The following TENM3 variants were observed in gnomAD, a reference collection of about 807,000 sequenced individuals.
The protein encoded by TENM3 is teneurin-3.
In TENM3, 63 loss-of-function variants were observed where a neutral mutation model predicts 255.1. That is an observed-to-expected ratio of 0.25 (90% CI 0.20 to 0.30). The LOEUF (loss-of-function observed/expected upper bound fraction) is 0.30, where lower values mean the gene tolerates loss of function less well. TENM3 is among the 10% of genes least tolerant of loss of function. The pLI, the probability that TENM3 is intolerant of heterozygous loss-of-function variation, is 1.00. For synonymous variants in TENM3, 1,306 were observed against 1,322.3 expected, an observed-to-expected ratio of 0.99 and a Z score of 0.27; for missense variants, 2,929 against 3,461.1, an observed-to-expected ratio of 0.85 and a Z score of 3.86.
At chr4:182,512,877 A>G (rs1406747861) in intron 3 of TENM3, among the ~76,000 whole-genome samples, 1 of 152,200 alleles carries the variant, frequency 6.6e-6, no homozygotes, top group Non-Finnish European at 1.5e-5. Flanking sequence ...TACTCCTTGA[A>G]GATCAAAATA....
chr4:182,597,592 T>C (rs1349960604), intron 3 of TENM3, among the ~76,000 whole-genome samples: 1 of 152,190 alleles, frequency 6.6e-6, no homozygotes, highest in African/African-American at 2.4e-5. Flanking sequence ...AGATTTGTGT[T>C]CCTCTTTAAA....
chr4:182,798,382 A>C (rs4365766), intron 27 of TENM3, among the ~76,000 whole-genome samples: 1 of 152,140 alleles, frequency 6.6e-6, no homozygotes, highest in African/African-American at 2.4e-5. Flanking sequence ...GTTGCCTGCA[A>C]TATTCAGTAC....
chr4:182,298,625 A>G lies in TENM3; in HGVS notation c.-75-25321A>G, dbSNP rs544447763. Reference sequence around the variant, plus strand: ...AATCAAGTACTTGAAAGGAAGAACTATATCAAAGTGAAGATTGGAGAAAAT... The same window carrying G: ...AATCAAGTACTTGAAAGGAAGAACTGTATCAAAGTGAAGATTGGAGAAAAT... On this transcript the variant is annotated intron_variant, in intron 1 of 27. Transcript: ENST00000511685. 7.2e-5 allele frequency among the ~76,000 whole-genome samples: 11 copies of G among 152,278 alleles called. 1 individual carries two copies. In the South Asian group the frequency reaches 1.9e-3, roughly 26 times the overall value.
At chr4:182,196,908 C>T (rs550494800) in intron 1 of TENM3, among the ~76,000 whole-genome samples, 4 of 152,244 alleles carry the variant, frequency 2.6e-5, no homozygotes, top group South Asian at 4.1e-4. Flanking sequence ...TCCTTTCTCT[C>T]GTCCTCAAAT....
At chr4:182,580,069 A>G (rs1294174967) in intron 3 of TENM3, among the ~76,000 whole-genome samples, 1 of 152,208 alleles carries the variant, frequency 6.6e-6, no homozygotes, top group Non-Finnish European at 1.5e-5. Context: ...GAGGACCATT[A>G]GAGGACAGAA....
intron 3 of TENM3, among the ~76,000 whole-genome samples, chr4:182,527,679 G>A (rs1739347668): frequency 6.6e-6 from 1 of 152,106 alleles, no homozygotes; most frequent in Admixed American, 6.6e-5. Context: ...TTTCTCACCT[G>A]TGTAAATAAG....
chr4:181,687,443 CTT>C, the TENM3 span, among the ~76,000 whole-genome samples: 1 of 152,138 alleles, frequency 6.6e-6, no homozygotes, highest in Non-Finnish European at 1.5e-5. Context: ...GCTTCATAGT[CTT>C]ATAAAATGCT....
intron 22 of TENM3, among the ~76,000 whole-genome samples, chr4:182,761,587 T>TA (rs1467969374): frequency 6.7e-6 from 1 of 148,874 alleles, no homozygotes; most frequent in Admixed American, 6.6e-5. Context: ...GCCCACTTTA[T>TA]AAGTATATAT....
the TENM3 span, among the ~76,000 whole-genome samples, chr4:181,652,396 G>T: frequency 1.3e-5 from 2 of 152,182 alleles, no homozygotes; most frequent in African/African-American, 2.4e-5. Context: ...CTCTACGAAA[G>T]TCTGTGTGTC....
At chr4:181,541,056 G>T in the TENM3 span, among the ~76,000 whole-genome samples, 2 of 152,132 alleles carry the variant, frequency 1.3e-5, no homozygotes, top group Admixed American at 6.6e-5. Context: ...GCTTATAAGT[G>T]AGAAATCCAT....
At chr4:182,291,403 T>C (rs978330776) in intron 1 of TENM3, among the ~76,000 whole-genome samples, 2 of 152,144 alleles carry the variant, frequency 1.3e-5, no homozygotes, top group African/African-American at 4.8e-5. Flanking sequence ...GTCATTGTGA[T>C]AGAGCAGGAC....
the TENM3 span, among the ~76,000 whole-genome samples, chr4:181,609,334 A>C: frequency 6.6e-6 from 1 of 152,206 alleles, no homozygotes; most frequent in Non-Finnish European, 1.5e-5. Flanking sequence ...CTTTTTTCAT[A>C]ATAGCCAGTG....
At chr4:182,761,042 A>G (rs200292985) in intron 22 of TENM3, among the ~76,000 whole-genome samples, 23,374 of 152,160 alleles carry the variant, frequency 0.15, 1,898 homozygotes, top group South Asian at 0.2. Context: ...GACTCCTATT[A>G]TTTAAACAGC....
rs375863366 is a variant in TENM3 at position 182,680,591 on chromosome 4, G to A, written c.1688G>A (p.Arg563His). ...CSGNGQYSKG[R>H]CLCFSGWKGT... ...GGCAACGGGCAGTACTCCAAGGGCCGCTGCCTGTGTTTCAGCGGCTGGAAG... is the reference window on the plus strand; with the variant it reads ...GGCAACGGGCAGTACTCCAAGGGCCACTGCCTGTGTTTCAGCGGCTGGAAG... The change falls in exon 10 of 28, where the codon CGC (arginine) becomes CAC (histidine). Residue 563 changes from arginine to histidine, a missense_variant. Arg to His is a conservative substitution (Grantham distance 29). Coordinates refer to ENST00000511685, the MANE Select transcript of TENM3 (RefSeq NM_001080477.4). 2.0e-5 allele frequency: 33 copies of A among 1,613,602 alleles called. No homozygotes were observed. The African/African-American group carries it at 3.2e-4, about 16-fold the overall frequency.
At chr4:181,734,882 C>T in the TENM3 span, among the ~76,000 whole-genome samples, 1 of 152,048 alleles carries the variant, frequency 6.6e-6, no homozygotes, top group African/African-American at 2.4e-5. Flanking sequence ...AGAAGCAAAG[C>T]TTTTCAAATG....
At chr4:182,199,720 CTTTTTTTTT>C (rs367906246) in intron 1 of TENM3, among the ~76,000 whole-genome samples, 4 of 104,854 alleles carry the variant, frequency 3.8e-5, no homozygotes, top group Non-Finnish European at 7.2e-5. Context: ...AACATCATTG[CTTTTTTTTT>C]TTTTTTTTTT....
chr4:182,758,934 T>C (rs1274923361), intron 22 of TENM3, among the ~76,000 whole-genome samples: 1 of 152,206 alleles, frequency 6.6e-6, no homozygotes, highest in Non-Finnish European at 1.5e-5. Flanking sequence ...TTCCCATTTG[T>C]GTATGGCCAG....
the TENM3 span, among the ~76,000 whole-genome samples, chr4:181,701,359 G>C: frequency 6.6e-6 from 1 of 152,186 alleles, no homozygotes; most frequent in Non-Finnish European, 1.5e-5. Context: ...TAAAAACATT[G>C]TTTAGCTTGC....
At chr4:182,432,021 G>A (rs13109076) in intron 3 of TENM3, among the ~76,000 whole-genome samples, 89,963 of 149,528 alleles carry the variant, frequency 0.6, 27,449 homozygotes, top group East Asian at 0.77. Flanking sequence ...GGTTGCAGTG[G>A]GCCGAGATCC....
Sources: allele counts gnomAD v4.1 joint callset (sites outside exome capture counted in the v4.1 genomes callset), GRCh38; gene constraint gnomAD v4.1.1; transcripts MANE v1.5; gene names NCBI Gene and HGNC (gene_info 2026-07-23, HGNC 2026-07-21).